Variants in PLCH2 observed in about 807,000 individuals in gnomAD.
The protein encoded by PLCH2 is phospholipase C eta 2.
PLCH2 carries 98 observed loss-of-function variants against 134.7 expected under a neutral mutation model. That is an observed-to-expected ratio of 0.73 (90% CI 0.62 to 0.86). PLCH2 has a LOEUF of 0.86. Ranked by LOEUF, PLCH2 falls within the 40% of genes least tolerant of loss-of-function variation. PLCH2 has a pLI of 0.00. For synonymous variants in PLCH2, 974 were observed against 827.5 expected (o/e 1.18, Z -3.04); for missense variants, 1,994 against 1,986.6 (o/e 1.00, Z -0.07).
At position 2,502,249 on chromosome 1, in the gene PLCH2, G is replaced by A. The variant is rs781460329; in HGVS notation, c.2799G>A (p.Pro933=). The stretch of plus-strand genomic sequence containing the variant: ...TCCTGCGGCGCACGGCCAGCGCCCC[G>A]ACCAAGAGCCAGAAGCCGGGCCGCA... The part of the protein sequence containing the change: ...QRILRRTASA[P]TKSQKPGRRG... The change falls in exon 21 of 22, where the codon CCG becomes CCA. Residue 933 remains proline, a synonymous_variant. Coordinates refer to ENST00000378486, the MANE Select transcript of PLCH2 (RefSeq NM_014638.4). The A allele has an allele frequency of 2.1e-5, 32 of 1,541,496 alleles. No individual in the cohort carries two copies. The highest frequency in any genetic ancestry group is 4.8e-5 in the South Asian group (4 of 83,728).
chr1:2,505,018 G>T lies in PLCH2; in HGVS notation c.4056G>T (p.Arg1352=), dbSNP rs781289239. ...SHSRVRAIAS[R]ARQAQERQQR... ...GCCGCGTGCGTGCCATTGCCAGCCG[G>T]GCCCGCCAGGCCCAGGAGCGGCAGC... Residue 1352 remains arginine (R), a synonymous_variant, in exon 22 of 22, where the codon CGG becomes CGT. Coordinates refer to ENST00000378486, the MANE Select transcript of PLCH2 (RefSeq NM_014638.4). The T allele has an allele frequency of 6.5e-7, 1 of 1,542,578 alleles. No homozygotes were observed. The highest frequency in any genetic ancestry group is 1.2e-5 in the South Asian group (1 of 84,462).
In PLCH2 at chr1:2,498,861, G is replaced by A; in HGVS notation, c.2434+33G>A. 1.9e-6 allele frequency: 3 copies of A among 1,549,540 alleles called. No homozygotes were observed. Among genetic ancestry groups the A allele is most frequent in the South Asian group, 2.3e-5 (2 of 87,644 alleles). ...TGGGCCGTGGCTCCGTCACACCTGT[G>A]ATGGAAGTCTGAGGGGGGAGGGTTG... On this transcript the variant is annotated intron_variant, in intron 18 of 21. Coordinates refer to ENST00000378486, the MANE Select transcript of PLCH2 (RefSeq NM_014638.4). This position sits in a 1 kb window ranked among gnomAD's most constrained non-coding sequence, Gnocchi z 5.4.
intron 12 of PLCH2, 42 bp downstream of exon 12, chr1:2,494,990 G>A (rs1028469683): frequency 7.5e-7 from 1 of 1,331,084 alleles, no homozygotes; most frequent in East Asian, 2.6e-5. Context: ...TCTGGGCCCA[G>A]TGTCCTCCCT....
chr1:2,438,254 GAC>G (rs1639527047), intron 2 of PLCH2, among the ~76,000 whole-genome samples: 1 of 152,254 alleles, frequency 6.6e-6, no homozygotes, highest in Non-Finnish European at 1.5e-5. Context: ...CTGTGCAGGC[GAC>G]AGTTGGTTTA....
Position 2,498,939 on chromosome 1 carries a change from C to T in PLCH2, c.2434+111C>T. ...GCCCAGGCCTCCCTCAGTGACAGTC[C>T]TGGGCGCCCTCCCCTCTAGGTGGGC... On this transcript the variant is annotated intron_variant, in intron 18 of 21. Coordinates refer to ENST00000378486, the MANE Select transcript of PLCH2 (RefSeq NM_014638.4). This position sits in a 1 kb window ranked among gnomAD's most constrained non-coding sequence, Gnocchi z 5.4. 7.4e-7 allele frequency: 1 copy of T among 1,349,370 alleles called. No individual in the cohort carries two copies. The allele number at this position is 1,349,370 out of a possible 1,614,324, so 83.6% of individuals were successfully genotyped here.
intron 2 of PLCH2, among the ~76,000 whole-genome samples, chr1:2,443,697 C>A (rs187744641): frequency 0.12 from 17,905 of 148,430 alleles, 1,304 homozygotes; most frequent in East Asian, 0.23. Context: ...GGCCCCCTCC[C>A]GGCGCGGGGC....
At chr1:2,497,223 G>C (rs981236172) in intron 15 of PLCH2, among the ~76,000 whole-genome samples, 1 of 152,250 alleles carries the variant, frequency 6.6e-6, no homozygotes, top group Non-Finnish European at 1.5e-5. Flanking sequence ...AGGCCTTGTG[G>C]GGGATGTGGG....
chr1:2,477,833 G>T (rs971596130), intron 1 of PLCH2, among the ~76,000 whole-genome samples: 1 of 152,228 alleles, frequency 6.6e-6, no homozygotes, highest in African/African-American at 2.4e-5. Flanking sequence ...GGCGCTTGTT[G>T]CACATGAGGG....
At chr1:2,463,569 C>T (rs963523016), upstream of PLCH2, among the ~76,000 whole-genome samples, 16 of 152,272 alleles carry the variant, frequency 1.1e-4, no homozygotes. Flanking sequence ...AGGCCCCACA[C>T]CGCTGGCGGG....
chr1:2,431,607 A>C (rs1250199868), intron 2 of PLCH2, among the ~76,000 whole-genome samples: 1 of 151,894 alleles, frequency 6.6e-6, no homozygotes, highest in African/African-American at 2.4e-5. Context: ...AGAGCTTCCA[A>C]CTCTGGCAGG....
chr1:2,503,571 C>G (rs1184390897), intron 21 of PLCH2: 4 of 683,806 alleles, frequency 5.8e-6, no homozygotes, highest in Non-Finnish European at 1.1e-5. Context: ...TCCAGACCCC[C>G]CTGACCAAGC....
chr1:2,448,532 C>T lies in PLCH2; in HGVS notation c.115+17903C>T, dbSNP rs1000987329. 2.0e-5 allele frequency among the ~76,000 whole-genome samples: 3 copies of T among 152,188 alleles called. No individual in the cohort carries two copies. Among genetic ancestry groups the T allele is most frequent in the Non-Finnish European group, 4.4e-5 (3 of 68,036 alleles). On this transcript the variant is annotated intron_variant, in intron 2 of 3. Transcript: ENST00000609981. The surrounding 1 kb of genome is among the most constrained non-coding windows in gnomAD (Gnocchi z 4.0). ...CGGCGCAGGCCTTTCACTGAGCACGCCCTCAGAGACCCTTTTTCCAAATAA... is the reference window on the plus strand; with the variant it reads ...CGGCGCAGGCCTTTCACTGAGCACGTCCTCAGAGACCCTTTTTCCAAATAA...
chr1:2,498,639 CGTGGGGAG>C lies in PLCH2; in HGVS notation c.2348_2349+6del. 8.9e-7 allele frequency: 1 copy of C among 1,126,506 alleles called. No individual in the cohort carries two copies. The highest frequency in any genetic ancestry group is 1.5e-5 in the South Asian group (1 of 65,422). The allele number at this position is 1,126,506 out of a possible 1,614,324, so 69.8% of individuals were successfully genotyped here. A position where few individuals can be genotyped will look rare whatever the true frequency, so the allele number is the denominator to read the frequency against. On this transcript the variant is annotated frameshift_variant and splice_region_variant, in exon 17 of 22. Coordinates refer to ENST00000378486, the MANE Select transcript of PLCH2 (RefSeq NM_014638.4). LOFTEE classifies it high-confidence loss of function. The surrounding 1 kb of genome is among the most constrained non-coding windows in gnomAD (Gnocchi z 5.4). ...GCCGCGCGACTCCATGCTGGGGGACCGTGGGGAGGTGGGGGCCAGCCCCACACAGGCGG... is the reference window on the plus strand; with the variant it reads ...GCCGCGCGACTCCATGCTGGGGGACCGTGGGGGCCAGCCCCACACAGGCGG...
intron 8 of PLCH2, among the ~76,000 whole-genome samples, chr1:2,488,760 C>T (rs1400668536): frequency 2.0e-5 from 3 of 152,204 alleles, no homozygotes; most frequent in Non-Finnish European, 4.4e-5. Context: ...TTTATGGGAC[C>T]AATGTCAGGA....
Position 2,502,304 on chromosome 1 carries a change from C to T in PLCH2, c.2854C>T (p.Arg952Trp), listed in dbSNP as rs771867177. 41 of 1,535,914 alleles carry T rather than the reference C, an allele frequency of 2.7e-5. No individual in the cohort carries two copies. Among genetic ancestry groups the T allele is most frequent in the African/African-American group, 2.8e-5 (2 of 72,384 alleles). ...CTTCCCGGAGCTGGTCCTGGGTACA[C>T]GGGACACAGGCTCCAAGGGGGTGGC... ...RGFPELVLGT[R>W]DTGSKGVADD... The change falls in exon 21 of 22, where the codon CGG (arginine) becomes TGG (tryptophan). Residue 952 changes from arginine (R) to tryptophan (W), a missense_variant. Arg to Trp is a moderately radical substitution (Grantham distance 101). Around this residue, in one of 2 missense-constraint regions of PLCH2, gnomAD observed 900 missense variants for 752.3 expected, o/e 1.20. Transcript: ENST00000378486.
In PLCH2 at chr1:2,502,340, G is replaced by C. The variant is rs979171612; in HGVS notation, c.2890G>C (p.Val964Leu). 9.1e-6 allele frequency: 14 copies of C among 1,535,806 alleles called. No individual in the cohort carries two copies. The highest frequency in any genetic ancestry group is 1.4e-5 in the African/African-American group (1 of 72,280). ...CTCCAAGGGGGTGGCAGACGATGTG[G>C]TGCCCCCCGGGCCCGGACCTGCTCC... ...TGSKGVADDV[V>L]PPGPGPAPEA... is the part of the protein sequence containing the mutation. Residue 964 changes from valine (V) to leucine (L), a missense_variant, in exon 21 of 22, where the codon GTG becomes CTG. Val to Leu is a conservative substitution (Grantham distance 32, BLOSUM62 1). Around this residue, in one of 2 missense-constraint regions of PLCH2, gnomAD observed 900 missense variants for 752.3 expected, o/e 1.20. Coordinates refer to ENST00000378486, the MANE Select transcript of PLCH2 (RefSeq NM_014638.4).
At chr1:2,489,490 G>T in intron 9 of PLCH2, 112 bp downstream of exon 9, 1 of 1,164,020 alleles carries the variant, frequency 8.6e-7, no homozygotes, top group East Asian at 2.5e-5. Flanking sequence ...ATATCTAGGG[G>T]GCTGAGGGCT....
intron 20 of PLCH2, chr1:2,501,322 C>A (rs112091918): frequency 1.3e-5 from 2 of 152,202 alleles, no homozygotes; most frequent in African/African-American, 4.8e-5. Context: ...CCTGGAGATG[C>A]GGCTGCCTCC....
At chr1:2,456,531 G>A (rs949671065) in intron 2 of PLCH2, among the ~76,000 whole-genome samples, 22 of 152,220 alleles carry the variant, frequency 1.4e-4, no homozygotes, top group Non-Finnish European at 2.1e-4. Flanking sequence ...CTGGGGACGC[G>A]TGAGGTCACC....
Sources: allele counts gnomAD v4.1 joint callset (sites outside exome capture counted in the v4.1 genomes callset), GRCh38; gene constraint gnomAD v4.1.1; regional missense constraint gnomAD v4.1.1; non-coding constraint Gnocchi (gnomAD v3.1); transcripts MANE v1.5; gene names NCBI Gene and HGNC (gene_info 2026-07-23, HGNC 2026-07-21).